The following ATRNL1 variants were observed in gnomAD, a reference collection of about 807,000 sequenced individuals.
The protein encoded by ATRNL1 is attractin like 1.
In ATRNL1, 95 loss-of-function variants were observed where a neutral mutation model predicts 182.7. The observed-to-expected ratio is 0.52, with a 90% CI of 0.44 to 0.62. ATRNL1 has a LOEUF of 0.62. Ranked by LOEUF, ATRNL1 falls within the 20% of genes least tolerant of loss-of-function variation. ATRNL1 has a pLI of 0.00. For synonymous variants in ATRNL1, 576 were observed against 568.3 expected (o/e 1.01, Z -0.19); for missense variants, 1,471 against 1,679.5 (o/e 0.88, Z 2.17).
At chr10:115,719,413 T>G (rs1350020667) in intron 26 of ATRNL1, among the ~76,000 whole-genome samples, 10 of 152,180 alleles carry the variant, frequency 6.6e-5, no homozygotes, top group Non-Finnish European at 1.3e-4. Context: ...ATCTTCAGTG[T>G]TATGAAGACT....
In ATRNL1 at chr10:115,294,674, T is replaced by A. The variant is rs1694556321; in HGVS notation, c.2416-5360T>A. On this transcript the variant is annotated intron_variant, in intron 15 of 28. Coordinates refer to ENST00000355044, the MANE Select transcript of ATRNL1 (RefSeq NM_207303.4). ...CTTTGCTTTTTCATGTTTGATGTAT[T>A]CCTACATAAAATTCTTCCAATTTTA... is the stretch of plus-strand genomic sequence containing the variant. Among the ~76,000 whole-genome samples, 4 of 152,214 alleles carry A rather than the reference T, an allele frequency of 2.6e-5. No individual in the cohort carries two copies. In the South Asian group the frequency reaches 8.3e-4, roughly 32 times the overall value.
At chr10:115,731,671 T>C (rs1488652192) in intron 27 of ATRNL1, among the ~76,000 whole-genome samples, 1 of 149,694 alleles carries the variant, frequency 6.7e-6, no homozygotes, top group Non-Finnish European at 1.5e-5. Context: ...GTTCTAATAT[T>C]TAATATATAT....
intron 27 of ATRNL1, among the ~76,000 whole-genome samples, chr10:115,821,456 C>T (rs1010105172): frequency 1.9e-4 from 29 of 151,926 alleles, no homozygotes; most frequent in African/African-American, 6.3e-4. Flanking sequence ...TAAGTGTAAA[C>T]GGGCCAAATG....
intron 26 of ATRNL1, among the ~76,000 whole-genome samples, chr10:115,718,480 A>G (rs1947323425): frequency 6.6e-6 from 1 of 152,172 alleles, no homozygotes; most frequent in African/African-American, 2.4e-5. Context: ...ACAAGTACAA[A>G]AAGCAAGATA....
At position 115,286,410 on chromosome 10, in the gene ATRNL1, C is replaced by G. The variant is rs782321466; in HGVS notation, c.2415+13C>G. On this transcript the variant is annotated intron_variant, in intron 15 of 28. Coordinates refer to ENST00000355044, the MANE Select transcript of ATRNL1 (RefSeq NM_207303.4). ...GTATACACAACAGGTAACATTTCTA[C>G]TTGTTTACATTATGGAAATATGCTA... 5 of 1,450,766 alleles carry G rather than the reference C, an allele frequency of 3.4e-6. No homozygotes were observed. The highest frequency in any genetic ancestry group is 4.6e-6 in the Non-Finnish European group (5 of 1,081,094). The allele number at this position is 1,450,766 out of a possible 1,614,324, so 89.9% of individuals were successfully genotyped here.
intron 5 of ATRNL1, among the ~76,000 whole-genome samples, chr10:115,156,961 C>T (rs998158670): frequency 1.3e-5 from 2 of 151,698 alleles, no homozygotes; most frequent in East Asian, 1.9e-4. Flanking sequence ...GGAAAGGTTT[C>T]GGGGAGAGAG....
intron 1 of ATRNL1, among the ~76,000 whole-genome samples, chr10:115,105,299 A>T (rs552111351): frequency 1.5e-4 from 23 of 152,330 alleles, no homozygotes; most frequent in African/African-American, 5.5e-4. Flanking sequence ...TATCTGGCAG[A>T]AGAAATTTCT....
intron 26 of ATRNL1, among the ~76,000 whole-genome samples, chr10:115,603,292 A>G (rs1367515477): frequency 3.9e-5 from 6 of 152,180 alleles, no homozygotes; most frequent in African/African-American, 1.4e-4. Flanking sequence ...GCCCACCAAG[A>G]ATTGCTTCAT....
At chr10:115,575,584 T>G (rs781893130) in intron 26 of ATRNL1, among the ~76,000 whole-genome samples, 3 of 152,180 alleles carry the variant, frequency 2.0e-5, no homozygotes, top group Non-Finnish European at 4.4e-5. Context: ...CCTTTTTCTT[T>G]CTGCATGCTA....
chr10:115,774,688 C>T (rs548164707), intron 27 of ATRNL1, among the ~76,000 whole-genome samples: 2 of 152,210 alleles, frequency 1.3e-5, no homozygotes, highest in East Asian at 3.9e-4. Context: ...TACGTATTCT[C>T]TATTAAAATC....
chr10:115,778,458 A>C (rs950447785), intron 27 of ATRNL1, among the ~76,000 whole-genome samples: 4 of 152,242 alleles, frequency 2.6e-5, no homozygotes, highest in African/African-American at 9.6e-5. Flanking sequence ...TTTATGCAGG[A>C]GGTAACACTG....
chr10:115,706,417 G>A (rs1002121160), intron 26 of ATRNL1, among the ~76,000 whole-genome samples: 101 of 151,922 alleles, frequency 6.6e-4, no homozygotes, highest in African/African-American at 2.3e-3. Context: ...CATCTGCAAA[G>A]TCTCTTTTGC....
chr10:115,483,984 T>A (rs535869690), intron 24 of ATRNL1, among the ~76,000 whole-genome samples: 1 of 151,616 alleles, frequency 6.6e-6, no homozygotes, highest in African/African-American at 2.4e-5. Flanking sequence ...TCAGGAAGCA[T>A]TTGTAAGAAT....
At chr10:115,630,177 A>G (rs1858389328) in intron 26 of ATRNL1, among the ~76,000 whole-genome samples, 1 of 151,996 alleles carries the variant, frequency 6.6e-6, no homozygotes, top group African/African-American at 2.4e-5. Flanking sequence ...AACTTAGTAG[A>G]AAAAAAATTT....
chr10:115,780,387 T>C (rs77960785), intron 27 of ATRNL1, among the ~76,000 whole-genome samples: 7,542 of 152,206 alleles, frequency 0.05, 537 homozygotes, highest in African/African-American at 0.16. Context: ...GTCTAGGCCG[T>C]GAGGACGGCA....
intron 18 of ATRNL1, among the ~76,000 whole-genome samples, chr10:115,325,241 A>G (rs1156380174): frequency 6.6e-6 from 1 of 152,166 alleles, no homozygotes; most frequent in Non-Finnish European, 1.5e-5. Flanking sequence ...CTTTAGTTTT[A>G]TTCATATTCC....
chr10:115,617,401 C>T (rs1270072341), intron 26 of ATRNL1, among the ~76,000 whole-genome samples: 2 of 151,822 alleles, frequency 1.3e-5, no homozygotes, highest in African/African-American at 4.8e-5. Flanking sequence ...TGCTCTGTCG[C>T]CAGGCTGGAG....
At chr10:115,799,463 G>A (rs1388901806) in intron 27 of ATRNL1, among the ~76,000 whole-genome samples, 1 of 152,174 alleles carries the variant, frequency 6.6e-6, no homozygotes, top group East Asian at 1.9e-4. Flanking sequence ...AAACAGAGAG[G>A]TGGGGGTTAG....
chr10:115,209,840 A>T (rs955189142), intron 8 of ATRNL1, among the ~76,000 whole-genome samples: 6 of 151,950 alleles, frequency 3.9e-5, no homozygotes, highest in Non-Finnish European at 7.4e-5. Flanking sequence ...TGAGAATGTG[A>T]CTCAAATTAA....
Sources: gnomAD v4.1 joint callset for allele counts (sites outside exome capture counted in the v4.1 genomes callset) on GRCh38, gnomAD v4.1.1 for gene constraint, MANE v1.5 for transcripts, NCBI Gene and HGNC (gene_info 2026-07-23, HGNC 2026-07-21) for gene names.